The following RAB27B variants were observed in gnomAD, a reference collection of about 807,000 sequenced individuals.
RAB27B encodes ras-related protein Rab-27B.
In RAB27B, 15 loss-of-function variants were observed where a neutral mutation model predicts 24.6. The ratio of observed to expected loss-of-function variants is 0.61; its 90% CI spans 0.41 to 0.94. The LOEUF (loss-of-function observed/expected upper bound fraction) is 0.94, where lower values mean the gene tolerates loss of function less well. Ranked by LOEUF, RAB27B falls within the 40% of genes least tolerant of loss-of-function variation. The pLI is 0.00. For missense variants in RAB27B, 261 were observed against 266.8 expected (o/e 0.98, Z 0.15); for synonymous variants, 105 against 92.5 (o/e 1.14, Z -0.78).
In RAB27B at chr18:54,892,810, T is replaced by A. The variant is rs1913420721; in HGVS notation, c.*3397T>A. On this transcript the variant is annotated 3_prime_UTR_variant, in exon 6 of 6. Transcript: ENST00000262094. Reference sequence around the variant, plus strand: ...ATTTTATCTGTTACTTTTAACCAGATAGGTGTCTTTGTCATCCTTCTACTA... The same window carrying A: ...ATTTTATCTGTTACTTTTAACCAGAAAGGTGTCTTTGTCATCCTTCTACTA... 6.6e-6 allele frequency: 1 copy of A among 152,100 alleles called. No homozygotes were observed. The allele number at this position is 152,100 out of a possible 1,614,324, so 9.4% of individuals were successfully genotyped here. A position where few individuals can be genotyped will look rare whatever the true frequency, so the allele number is the denominator to read the frequency against.
At chr18:54,764,714 G>T (rs1908303853) in intron 2 of RAB27B, among the ~76,000 whole-genome samples, 1 of 152,124 alleles carries the variant, frequency 6.6e-6, no homozygotes, top group Non-Finnish European at 1.5e-5. Context: ...CTTGGATGTT[G>T]TTTTTCCATT....
intron 2 of RAB27B, among the ~76,000 whole-genome samples, chr18:54,724,784 G>C (rs1303489000): frequency 1.3e-5 from 2 of 151,460 alleles, no homozygotes; most frequent in African/African-American, 4.8e-5. Context: ...CATTAGGAGG[G>C]CTCTAGATTC....
chr18:54,806,794 T>A (rs1226647174), intron 2 of RAB27B, among the ~76,000 whole-genome samples: 1 of 152,114 alleles, frequency 6.6e-6, no homozygotes, highest in African/African-American at 2.4e-5. Context: ...ATTGAAGAAT[T>A]ATATCAATAC....
chr18:54,770,746 A>G (rs1376415183), intron 2 of RAB27B, among the ~76,000 whole-genome samples: 3 of 150,640 alleles, frequency 2.0e-5, no homozygotes, highest in Non-Finnish European at 4.4e-5. Context: ...TTTTTTTCCT[A>G]TTGCTATACC....
At chr18:54,743,488 T>C (rs1471962923) in intron 2 of RAB27B, among the ~76,000 whole-genome samples, 1 of 152,158 alleles carries the variant, frequency 6.6e-6, no homozygotes, top group Non-Finnish European at 1.5e-5. Flanking sequence ...CATTGAATCA[T>C]GAGTGAGGAA....
intron 2 of RAB27B, among the ~76,000 whole-genome samples, chr18:54,742,823 A>G (rs1300339527): frequency 1.3e-5 from 2 of 152,214 alleles, no homozygotes; most frequent in Non-Finnish European, 2.9e-5. Context: ...GATGTTGGCC[A>G]TATCCCAGGA....
intron 2 of RAB27B, chr18:54,745,198 C>T (rs1910198320): frequency 5.7e-6 from 1 of 175,794 alleles, no homozygotes; most frequent in Non-Finnish European, 1.2e-5. Flanking sequence ...CTCCTCTTTG[C>T]TGTGTGGACA....
intron 2 of RAB27B, among the ~76,000 whole-genome samples, chr18:54,777,034 T>A (rs1275912718): frequency 6.6e-6 from 1 of 151,000 alleles, no homozygotes; most frequent in African/African-American, 2.5e-5. Context: ...ACAAAACAAG[T>A]CTTGGTCTCA....
chr18:54,883,441 C>A (rs1419899592), intron 3 of RAB27B, among the ~76,000 whole-genome samples: 1 of 152,132 alleles, frequency 6.6e-6, no homozygotes, highest in African/African-American at 2.4e-5. Flanking sequence ...ATCTCTAGTT[C>A]AAAGTTATGT....
intron 2 of RAB27B, among the ~76,000 whole-genome samples, chr18:54,774,511 T>C (rs1441522410): frequency 6.6e-6 from 1 of 152,228 alleles, no homozygotes; most frequent in Non-Finnish European, 1.5e-5. Context: ...AAGCCAGTTC[T>C]CCTGACTACT....
At chr18:54,850,335 T>TAG (rs1911515962) in intron 1 of RAB27B, among the ~76,000 whole-genome samples, 1 of 28,126 alleles carries the variant, frequency 3.6e-5, no homozygotes, top group African/African-American at 8.5e-5. Context: ...ACAAACAGGA[T>TAG]ATATATATAT....
intron 1 of RAB27B, among the ~76,000 whole-genome samples, chr18:54,850,360 A>ATATATATATATATATATATATATATG (rs1911529308): frequency 7.6e-6 from 1 of 131,836 alleles, no homozygotes; most frequent in African/African-American, 3.2e-5. Context: ...ATATATATAT[A>ATATATATATATATATATATATATATG]CATACATACA....
chr18:54,868,076 C>T (rs1396308402), intron 1 of RAB27B, among the ~76,000 whole-genome samples: 1 of 152,074 alleles, frequency 6.6e-6, no homozygotes, highest in Non-Finnish European at 1.5e-5. Context: ...TGGCTTGGTG[C>T]TGTCTTTGTG....
chr18:54,781,338 A>G (rs775194761), intron 2 of RAB27B, among the ~76,000 whole-genome samples: 6 of 152,114 alleles, frequency 3.9e-5, no homozygotes, highest in African/African-American at 7.2e-5. Flanking sequence ...GGTGAGGAGA[A>G]TGGAGCCTAT....
At chr18:54,883,767 G>A (rs936569998) in intron 3 of RAB27B, among the ~76,000 whole-genome samples, 2 of 151,488 alleles carry the variant, frequency 1.3e-5, no homozygotes, top group Non-Finnish European at 2.9e-5. Flanking sequence ...CCTTTTCCTC[G>A]TGAATCCTAG....
At chr18:54,805,040 T>C (rs1468642324) in intron 2 of RAB27B, among the ~76,000 whole-genome samples, 7 of 151,580 alleles carry the variant, frequency 4.6e-5, no homozygotes, top group Non-Finnish European at 8.8e-5. Context: ...CTCTCCACCA[T>C]TGCATGATGT....
rs1909938826 is a variant in RAB27B, at chr18:54,810,841, TAAATA to T, written c.-19-66723_-19-66719del. On this transcript the variant is annotated intron_variant, in intron 2 of 4. Transcript: ENST00000586570. ...GAGCAAGACCCTGTCTCAAAATAAA[TAAATA>T]AATAAATAAATAAATAAATAAATAA... Among the ~76,000 whole-genome samples, 3 of 94,284 alleles carry T rather than the reference TAAATA, an allele frequency of 3.2e-5. No homozygotes were observed. The South Asian group carries it at 9.0e-4, about 28-fold the overall frequency. The allele number at this position is 94,284 out of a possible 152,430, so 61.9% of individuals were successfully genotyped here. A position where few individuals can be genotyped will look rare whatever the true frequency, so the allele number is the denominator to read the frequency against.
At chr18:54,773,065 A>T (rs1296334967) in intron 2 of RAB27B, among the ~76,000 whole-genome samples, 2 of 151,364 alleles carry the variant, frequency 1.3e-5, no homozygotes, top group Admixed American at 6.6e-5. Context: ...TTTTTTTTTT[A>T]AATCTTCACC....
rs188953569 is a variant in RAB27B at position 54,879,507 on chromosome 18, T to C, written c.239+53T>C. 5.1e-5 allele frequency: 71 copies of C among 1,398,670 alleles called. 1 individual carries two copies. In the Admixed American group the frequency reaches 6.1e-4, roughly 12 times the overall value. 86.6% of individuals were successfully genotyped at this position (1,398,670 alleles called of 1,614,324 possible). On this transcript the variant is annotated intron_variant, in intron 3 of 5. Coordinates refer to ENST00000262094, the MANE Select transcript of RAB27B (RefSeq NM_004163.4). ...TACACATAGCTTAGAAAAACTTACT[T>C]TAAAATGAATTCTGTATGTGAACTT... is the stretch of plus-strand genomic sequence containing the variant.
Sources: gnomAD v4.1 joint callset for allele counts (sites outside exome capture counted in the v4.1 genomes callset) on GRCh38, gnomAD v4.1.1 for gene constraint, MANE v1.5 for transcripts, NCBI Gene and HGNC (gene_info 2026-07-23, HGNC 2026-07-21) for gene names.